The following CRAT variants were observed in gnomAD, a reference collection of about 807,000 sequenced individuals.
The protein encoded by CRAT is carnitine O-acetyltransferase.
A neutral mutation model predicts 73.7 loss-of-function variants in CRAT; 66 were observed. The ratio of observed to expected loss-of-function variants is 0.90; its 90% CI spans 0.73 to 1.10. The LOEUF (loss-of-function observed/expected upper bound fraction) is 1.10, where lower values mean the gene tolerates loss of function less well. Ranked by LOEUF, CRAT falls within the 50% of genes least tolerant of loss-of-function variation. The pLI, the probability that CRAT is intolerant of heterozygous loss-of-function variation, is 0.00. For missense variants in CRAT, 745 were observed against 846.9 expected, an observed-to-expected ratio of 0.88 and a Z score of 1.49; for synonymous variants, 321 against 343.2, an observed-to-expected ratio of 0.94 and a Z score of 0.71.
At chr9:129,100,754 C>G in intron 6 of CRAT, 65 bp from the exon 7 acceptor site, 1 of 1,529,186 alleles carries the variant, frequency 6.5e-7, no homozygotes, top group Non-Finnish European at 8.8e-7. Context: ...GATGGACCAG[C>G]CCCTCCGCAG....
intron 11 of CRAT, 95 bp from the exon 12 acceptor site, chr9:129,097,407 T>A (rs1847349865): frequency 1.0e-6 from 1 of 973,374 alleles, no homozygotes; most frequent in African/African-American, 1.7e-5. Context: ...GATTCTGAGC[T>A]CTTTAAGAGG....
At chr9:129,101,474 C>T (rs1847667798) in intron 6 of CRAT, among the ~76,000 whole-genome samples, 1 of 152,254 alleles carries the variant, frequency 6.6e-6, no homozygotes, top group African/African-American at 2.4e-5. Context: ...CTTTGAAACA[C>T]TGGGAAGTGG....
rs776605129 is a variant in CRAT at position 129,099,918 on chromosome 9, C to T, written c.1033G>A (p.Ala345Thr). Residue 345 changes from alanine to threonine, a missense_variant, in exon 8 of 14, where the codon GCA becomes ACA. By Grantham distance (58) the Ala-to-Thr change is moderately conservative. Coordinates refer to ENST00000318080, the MANE Select transcript of CRAT (RefSeq NM_000755.5). ...GTGACAATAGGGGGCCCCTCCGCTG[C>T]AGCATGCTCGTACACAAGCCCACAG... ...GSCGLVYEHA[A>T]AEGPPIVTLL... 9 of 1,613,678 alleles carry T rather than the reference C, an allele frequency of 5.6e-6. No homozygotes were observed. Among genetic ancestry groups the T allele is most frequent in the Admixed American group, 1.7e-5 (1 of 59,996 alleles).
chr9:129,096,095 AGGC>A lies in CRAT; in HGVS notation c.1565_1567del (p.Gly522_Leu523delinsVal), dbSNP rs761817671. Reference sequence around the variant, plus strand: ...CAGGTCCTCGATGGCCTGCAGCTTCAGGCCCAGCAGGTGTCGATCAAAGGCCTC... The same window carrying A: ...CAGGTCCTCGATGGCCTGCAGCTTCACCAGCAGGTGTCGATCAAAGGCCTC... On this transcript the variant is annotated inframe_deletion, in exon 13 of 14. Transcript: ENST00000318080. 5.0e-6 allele frequency: 8 copies of A among 1,613,856 alleles called. No homozygotes were observed. The highest frequency in any genetic ancestry group is 6.8e-6 in the Non-Finnish European group (8 of 1,180,022).
chr9:129,107,754 C>T lies in CRAT; in HGVS notation c.291+60G>A, dbSNP rs1848103085. On this transcript the variant is annotated intron_variant, in intron 2 of 13. Coordinates refer to ENST00000318080, the MANE Select transcript of CRAT (RefSeq NM_000755.5). The surrounding 1 kb of genome is among the most constrained non-coding windows in gnomAD (Gnocchi z 5.0). ...CGAACGGCCGTGCCAGAGCAGTGGG[C>T]ACTGGAGAACTGTGCATGTGCAGCC... 5 of 1,611,686 alleles carry T rather than the reference C, an allele frequency of 3.1e-6. No individual in the cohort carries two copies. The Admixed American group carries it at 5.0e-5, about 16-fold the overall frequency.
At chr9:129,095,903 G>A in intron 13 of CRAT, 95 bp downstream of exon 13, 4 of 1,532,448 alleles carry the variant, frequency 2.6e-6, no homozygotes, top group South Asian at 1.1e-5. Context: ...ACTCAGCTGT[G>A]TTGGCAATGG....
intron 7 of CRAT, 100 bp from the exon 8 acceptor site, chr9:129,100,066 T>C (rs1017909925): frequency 6.0e-6 from 5 of 834,210 alleles, no homozygotes; most frequent in Admixed American, 4.3e-5. Flanking sequence ...TCTGAAGCCA[T>C]CTCAAGGGGC....
chr9:129,100,262 G>C, intron 7 of CRAT: 1 of 587,702 alleles, frequency 1.7e-6, no homozygotes, highest in Non-Finnish European at 3.0e-6. Flanking sequence ...TGGTGACCCC[G>C]GATCCCAGGT....
At position 129,110,465 on chromosome 9, in the gene CRAT, G is replaced by T; in HGVS notation, c.27+18C>A. On this transcript the variant is annotated intron_variant, in intron 1 of 13. Transcript: ENST00000318080. The surrounding 1 kb of genome is among the most constrained non-coding windows in gnomAD (Gnocchi z 5.3). ...CAGGCCGTCCAGGGCCCTCAGGCCC[G>T]GGATCCGCCGCACTCACCACGGTCC... is the stretch of plus-strand genomic sequence containing the variant. 1 of 1,577,576 alleles carries T rather than the reference G, an allele frequency of 6.3e-7. No individual in the cohort carries two copies.
intron 4 of CRAT, among the ~76,000 whole-genome samples, 180 bp from the exon 5 acceptor site, chr9:129,102,745 G>A (rs531912805): frequency 6.6e-5 from 10 of 152,240 alleles, no homozygotes; most frequent in Non-Finnish European, 1.2e-4. Flanking sequence ...TGCCCCAGAT[G>A]GGCCCTGTTC....
intron 6 of CRAT, 45 bp downstream of exon 6, chr9:129,101,838 G>C: frequency 6.3e-7 from 1 of 1,595,666 alleles, no homozygotes; most frequent in South Asian, 1.1e-5. Flanking sequence ...CCCAACAGGG[G>C]AAGAGGCCTG....
intron 3 of CRAT, 65 bp downstream of exon 3, chr9:129,104,123 G>A (rs1349792500): frequency 1.6e-6 from 2 of 1,239,476 alleles, no homozygotes; most frequent in East Asian, 2.5e-5. Context: ...GCCCCTCCAA[G>A]CGGCTGGGCG....
At chr9:129,102,826 G>A (rs719494) in intron 4 of CRAT, among the ~76,000 whole-genome samples, 187 bp downstream of exon 4, 16 of 152,234 alleles carry the variant, frequency 1.1e-4, no homozygotes, top group East Asian at 5.8e-4. Flanking sequence ...ATGAAGCAGC[G>A]AATAAAACTC....
In CRAT at chr9:129,107,220, G is replaced by T; in HGVS notation, c.291+594C>A. ...GGCTAATTTTTGTATTTTTAGTAGAGACAGGGTTTCATCATGTTGGCCAGG... is the reference window on the plus strand; with the variant it reads ...GGCTAATTTTTGTATTTTTAGTAGATACAGGGTTTCATCATGTTGGCCAGG... On this transcript the variant is annotated intron_variant, in intron 2 of 13. Coordinates refer to ENST00000318080, the MANE Select transcript of CRAT (RefSeq NM_000755.5). The surrounding 1 kb of genome is among the most constrained non-coding windows in gnomAD (Gnocchi z 5.0). The T allele has an allele frequency of 5.4e-6, 1 of 186,852 alleles. No homozygotes were observed. The highest frequency in any genetic ancestry group is 5.8e-5 in the Admixed American group (1 of 17,218). The allele number at this position is 186,852 out of a possible 1,614,324, so 11.6% of individuals were successfully genotyped here.
intron 4 of CRAT, 140 bp from the exon 5 acceptor site, chr9:129,102,705 G>A (rs1847765092): frequency 8.6e-6 from 9 of 1,043,056 alleles, no homozygotes; most frequent in Non-Finnish European, 1.3e-5. Flanking sequence ...GACACCTCAG[G>A]GCTGTGCTGT....
chr9:129,105,372 G>T (rs969204639), intron 2 of CRAT, among the ~76,000 whole-genome samples: 5 of 152,010 alleles, frequency 3.3e-5, no homozygotes, highest in Non-Finnish European at 5.9e-5. Context: ...CCAGGCTAAA[G>T]TGCCACGGTG....
In CRAT at chr9:129,100,160, CCTGA is replaced by C. The variant is rs1847571958; in HGVS notation, c.985-198_985-195del. 6.8e-6 allele frequency: 4 copies of C among 587,754 alleles called. No homozygotes were observed. In the Admixed American group the frequency reaches 9.1e-5, roughly 13 times the overall value. The allele number at this position is 587,754 out of a possible 1,614,324, so 36.4% of individuals were successfully genotyped here. A position where few individuals can be genotyped will look rare whatever the true frequency, so the allele number is the denominator to read the frequency against. ...CTAAGCACATCCCACGCTCAGCGTG[CCTGA>C]CTGAGTCCTTCAAACTACTCTACCG... On this transcript the variant is annotated intron_variant, in intron 7 of 13. Transcript: ENST00000318080.
chr9:129,100,019 C>T (rs1271319150), intron 7 of CRAT, 53 bp from the exon 8 acceptor site: 2 of 1,442,384 alleles, frequency 1.4e-6, no homozygotes, highest in African/African-American at 2.8e-5. Flanking sequence ...GGGGGTGGCC[C>T]CTCACCCAAC....
chr9:129,099,884 T>C lies in CRAT; in HGVS notation c.1067A>G (p.Asp356Gly), dbSNP rs148000421. Residue 356 changes from aspartate to glycine, a missense_variant, in exon 8 of 14, where the codon GAC (aspartate) becomes GGC (glycine). By Grantham distance (94) the Asp-to-Gly change is moderately conservative. Coordinates refer to ENST00000318080, the MANE Select transcript of CRAT (RefSeq NM_000755.5). ...AEGPPIVTLLDYVIEYTKKPE... is the reference protein window; with the variant it reads ...AEGPPIVTLLGYVIEYTKKPE... ...TACTCACGTGTACTCGATGACATAG[T>C]CCAGAAGGGTGACAATAGGGGGCCC... is the stretch of plus-strand genomic sequence containing the variant. The C allele has an allele frequency of 1.2e-6, 2 of 1,613,572 alleles. No individual in the cohort carries two copies. The highest frequency in any genetic ancestry group is 1.7e-5 in the Admixed American group (1 of 59,992).
Sources: allele counts gnomAD v4.1 joint callset (sites outside exome capture counted in the v4.1 genomes callset), GRCh38; gene constraint gnomAD v4.1.1; non-coding constraint Gnocchi (gnomAD v3.1); transcripts MANE v1.5; gene names NCBI Gene and HGNC (gene_info 2026-07-23, HGNC 2026-07-21).